PPARG: variants seen among roughly 807,000 people sequenced by gnomAD.
PPARG encodes the protein peroxisome proliferator-activated receptor gamma.
Under a neutral mutation model 39.2 loss-of-function variants are expected in PPARG, and 17 were observed. That is an observed-to-expected ratio of 0.43 (90% CI 0.30 to 0.65). The LOEUF is 0.65. PPARG is among the 30% of genes least tolerant of loss of function. The pLI is 0.13. For synonymous variants in PPARG, 223 were observed against 215.7 expected (o/e 1.03, Z -0.30); for missense variants, 406 against 585.9 (o/e 0.69, Z 3.17).
At chr3:12,404,967 G>A (rs1275499520) in intron 5 of PPARG, among the ~76,000 whole-genome samples, 2 of 152,172 alleles carry the variant, frequency 1.3e-5, no homozygotes, top group African/African-American at 4.8e-5. Context: ...ACCACATCGT[G>A]AGTGTAAGAA....
At chr3:12,338,650 G>T (rs2048086308) in intron 2 of PPARG, among the ~76,000 whole-genome samples, 1 of 152,170 alleles carries the variant, frequency 6.6e-6, no homozygotes, top group Non-Finnish European at 1.5e-5. Context: ...TACTTTTGGG[G>T]ATTCAACACC....
chr3:12,312,619 T>C (rs2047278704), intron 2 of PPARG, among the ~76,000 whole-genome samples, 166 bp downstream of exon 2: 1 of 152,190 alleles, frequency 6.6e-6, no homozygotes, highest in Non-Finnish European at 1.5e-5. Context: ...CTATGCAGTG[T>C]AACATATTTG....
chr3:12,423,396 C>T (rs966131484), intron 7 of PPARG, among the ~76,000 whole-genome samples: 3 of 152,188 alleles, frequency 2.0e-5, no homozygotes, highest in Non-Finnish European at 4.4e-5. Flanking sequence ...TGAGGAGCAC[C>T]GGGTTTGGGA....
intron 7 of PPARG, among the ~76,000 whole-genome samples, chr3:12,425,525 C>T (rs1048370821): frequency 1.1e-4 from 16 of 152,080 alleles, no homozygotes; most frequent in Non-Finnish European, 2.4e-4. Context: ...CCCAGAGCAT[C>T]GCAGGGTAGA....
At chr3:12,321,892 C>T (rs1408511646) in intron 2 of PPARG, among the ~76,000 whole-genome samples, 1 of 152,174 alleles carries the variant, frequency 6.6e-6, no homozygotes, top group African/African-American at 2.4e-5. Flanking sequence ...AATACAATTC[C>T]TACCAAATAT....
chr3:12,393,402 C>T (rs2292101), intron 5 of PPARG, among the ~76,000 whole-genome samples: 5,664 of 152,040 alleles, frequency 0.037, 290 homozygotes, highest in East Asian at 0.29. Context: ...TGGGTGTCAA[C>T]TTAAGGGAAA....
chr3:12,342,357 A>T (rs2048207743), intron 2 of PPARG, among the ~76,000 whole-genome samples: 1 of 152,216 alleles, frequency 6.6e-6, no homozygotes, highest in Non-Finnish European at 1.5e-5. Flanking sequence ...CTAGATTTAA[A>T]ACAGCTTAGG....
intron 1 of PPARG, among the ~76,000 whole-genome samples, chr3:12,298,324 A>AAAAAAAAAAAAAAAAAAAG (rs764771478): frequency 5.9e-5 from 8 of 134,638 alleles, no homozygotes; most frequent in Non-Finnish European, 1.1e-4. Context: ...AAAAAAAAAA[A>AAAAAAAAAAAAAAAAAAAG]AAAGAAATGT....
intron 2 of PPARG, among the ~76,000 whole-genome samples, chr3:12,334,940 G>A (rs920574196): frequency 6.6e-6 from 1 of 151,992 alleles, no homozygotes; most frequent in African/African-American, 2.4e-5. Context: ...TTACGACTAC[G>A]GATTTAAGTA....
chr3:12,298,333 G>C (rs967443978), intron 1 of PPARG, among the ~76,000 whole-genome samples: 24 of 108,830 alleles, frequency 2.2e-4, no homozygotes, highest in Non-Finnish European at 3.7e-4. Flanking sequence ...AAAAAGAAAT[G>C]TAAAATAGCA....
intron 7 of PPARG, among the ~76,000 whole-genome samples, chr3:12,431,072 G>C (rs895692222): frequency 2.0e-5 from 3 of 151,980 alleles, no homozygotes; most frequent in African/African-American, 7.3e-5. Flanking sequence ...TAGCCTTCAG[G>C]AGCTCAAATT....
chr3:12,330,479 T>G (rs958827773), intron 2 of PPARG, among the ~76,000 whole-genome samples: 1 of 152,150 alleles, frequency 6.6e-6, no homozygotes, highest in African/African-American at 2.4e-5. Flanking sequence ...ATTTTTAAAT[T>G]GGGTTGTTTG....
At chr3:12,417,887 TCTTTTTTTTTTTTCC>T (rs774043380) in intron 7 of PPARG, among the ~76,000 whole-genome samples, 6 of 130,136 alleles carry the variant, frequency 4.6e-5, no homozygotes, top group Admixed American at 2.5e-4. Flanking sequence ...CTTTTTTTTT[TCTTTTTTTTTTTTCC>T]TTTTTTTTTT....
At chr3:12,385,855 C>A (rs2049850718) in intron 4 of PPARG, among the ~76,000 whole-genome samples, 1 of 152,184 alleles carries the variant, frequency 6.6e-6, no homozygotes, top group Non-Finnish European at 1.5e-5. Flanking sequence ...CTGTTAATTT[C>A]ATTGTAAAAT....
In PPARG at chr3:12,385,058, A is replaced by G. The variant is rs149104574; in HGVS notation, c.390+3567A>G. ...CACATTCTGAATACTGCTGCATTAGACCAGTGGCTGTCAGTAAAGACATCT... is the reference window on the plus strand; with the variant it reads ...CACATTCTGAATACTGCTGCATTAGGCCAGTGGCTGTCAGTAAAGACATCT... On this transcript the variant is annotated intron_variant, in intron 4 of 7. Coordinates refer to ENST00000651735, the MANE Select transcript of PPARG (RefSeq NM_138711.6). Among the ~76,000 whole-genome samples the G allele has an allele frequency of 3.3e-3, 501 of 152,276 alleles. 2 individuals are homozygous for G. The highest frequency in any genetic ancestry group is 0.011 in the African/African-American group (470 of 41,578).
chr3:12,405,131 T>C (rs2050614337), intron 5 of PPARG, among the ~76,000 whole-genome samples: 1 of 152,246 alleles, frequency 6.6e-6, no homozygotes, highest in African/African-American at 2.4e-5. Flanking sequence ...ATATCTGAGT[T>C]GAAAAGTTAC....
chr3:12,315,052 A>G (rs2047353299), intron 2 of PPARG, among the ~76,000 whole-genome samples: 1 of 152,200 alleles, frequency 6.6e-6, no homozygotes, highest in South Asian at 2.1e-4. Flanking sequence ...GCTATAGATC[A>G]TTAGAACTAT....
At chr3:12,416,465 G>A (rs2051059578) in intron 6 of PPARG, among the ~76,000 whole-genome samples, 1 of 152,204 alleles carries the variant, frequency 6.6e-6, no homozygotes, top group Non-Finnish European at 1.5e-5. Context: ...CATAGGTAAA[G>A]TGTTACAGTG....
chr3:12,368,089 G>A (rs1185969370), intron 2 of PPARG, among the ~76,000 whole-genome samples: 1 of 151,788 alleles, frequency 6.6e-6, no homozygotes, highest in Admixed American at 6.6e-5. Context: ...TATAGTCTAA[G>A]TAGACAATAA....
Sources: gnomAD v4.1 joint callset for allele counts (sites outside exome capture counted in the v4.1 genomes callset) on GRCh38, gnomAD v4.1.1 for gene constraint, MANE v1.5 for transcripts, NCBI Gene and HGNC (gene_info 2026-07-23, HGNC 2026-07-21) for gene names.